Variants in ATP8A2 observed in about 807,000 individuals in gnomAD.
The protein encoded by ATP8A2 is phospholipid-transporting ATPase IB.
In ATP8A2, 100 loss-of-function variants were observed where a neutral mutation model predicts 165.6. That is an observed-to-expected ratio of 0.60 (90% CI 0.51 to 0.71). The LOEUF is 0.71. Ranked by LOEUF, ATP8A2 falls within the 30% of genes least tolerant of loss-of-function variation. ATP8A2 has a pLI of 0.00. For missense variants in ATP8A2, 1,227 were observed against 1,479.5 expected (o/e 0.83, Z 2.80); for synonymous variants, 543 against 548.8 (o/e 0.99, Z 0.15).
At chr13:25,394,544 A>G (rs1452304771) in intron 1 of ATP8A2, among the ~76,000 whole-genome samples, 3 of 152,208 alleles carry the variant, frequency 2.0e-5, no homozygotes, top group Non-Finnish European at 1.5e-5. Flanking sequence ...ATAAAGACAA[A>G]GCAGGAGGCG....
chr13:25,540,497 C>T (rs933229263), intron 8 of ATP8A2, 109 bp downstream of exon 8: 1 of 796,622 alleles, frequency 1.3e-6, no homozygotes, highest in Non-Finnish European at 2.1e-6. Context: ...AAGGGTTATG[C>T]CTTAGCCCTA....
chr13:25,446,815 A>G (rs142446956), intron 1 of ATP8A2, among the ~76,000 whole-genome samples: 1,699 of 152,162 alleles, frequency 0.011, 32 homozygotes, highest in African/African-American at 0.039. Flanking sequence ...AGAGGTTTAT[A>G]TAAGAGAACT....
At chr13:25,853,148 G>T (rs183491458) in intron 30 of ATP8A2, among the ~76,000 whole-genome samples, 4 of 151,710 alleles carry the variant, frequency 2.6e-5, no homozygotes, top group Non-Finnish European at 5.9e-5. Flanking sequence ...CAGCACTTTG[G>T]GGGGCTGAGA....
chr13:25,685,341 C>A (rs901341784), intron 24 of ATP8A2, among the ~76,000 whole-genome samples: 2 of 152,142 alleles, frequency 1.3e-5, no homozygotes, highest in African/African-American at 4.8e-5. Context: ...TTCTTCCATT[C>A]GGTAAAGATT....
intron 29 of ATP8A2, among the ~76,000 whole-genome samples, chr13:25,838,708 A>G (rs555284473): frequency 6.6e-6 from 1 of 152,300 alleles, no homozygotes; most frequent in South Asian, 2.1e-4. Context: ...GATAATTTCC[A>G]GGGACAACTT....
At chr13:25,918,415 G>A (rs1166410245) in intron 33 of ATP8A2, among the ~76,000 whole-genome samples, 2 of 152,088 alleles carry the variant, frequency 1.3e-5, no homozygotes, top group African/African-American at 4.8e-5. Flanking sequence ...TGTTGATGGT[G>A]GCTCCGTTGT....
intron 1 of ATP8A2, among the ~76,000 whole-genome samples, chr13:25,396,781 G>A (rs755796280): frequency 6.6e-6 from 1 of 152,100 alleles, no homozygotes; most frequent in South Asian, 2.1e-4. Flanking sequence ...CTACTTTCAG[G>A]CTTTTCAGAC....
chr13:25,961,130 C>T (rs1157233019), intron 33 of ATP8A2, among the ~76,000 whole-genome samples: 1 of 152,172 alleles, frequency 6.6e-6, no homozygotes, highest in Non-Finnish European at 1.5e-5. Context: ...GGAGAACCAC[C>T]ATGCCTTGTA....
At chr13:25,888,343 A>G (rs1284837728) in intron 33 of ATP8A2, among the ~76,000 whole-genome samples, 1 of 152,218 alleles carries the variant, frequency 6.6e-6, no homozygotes, top group Non-Finnish European at 1.5e-5. Context: ...AAACAACTTT[A>G]TCTAAAAGAT....
Position 25,770,393 on chromosome 13 carries a change from C to T in ATP8A2, c.2568+1164C>T, listed in dbSNP as rs116779871. On this transcript the variant is annotated intron_variant, in intron 26 of 36. Transcript: ENST00000381655. ...ATCTAATCTTGTGGCTCCCCACCAC[C>T]CAGGAACTGACTGAGCTCAAGAAGA... is the stretch of plus-strand genomic sequence containing the variant. 5.6e-3 allele frequency among the ~76,000 whole-genome samples: 849 copies of T among 152,248 alleles called. 9 individuals carry two copies. The highest frequency in any genetic ancestry group is 0.019 in the African/African-American group (800 of 41,556).
intron 24 of ATP8A2, among the ~76,000 whole-genome samples, chr13:25,605,172 A>C (rs1363310954): frequency 6.6e-6 from 1 of 152,202 alleles, no homozygotes; most frequent in African/African-American, 2.4e-5. Context: ...TTCCTTCGTC[A>C]GTGAACTTTA....
intron 2 of ATP8A2, among the ~76,000 whole-genome samples, chr13:25,528,099 A>T (rs145214941): frequency 9.7e-4 from 147 of 152,224 alleles, no homozygotes; most frequent in African/African-American, 3.4e-3. Context: ...CACATACATG[A>T]GTTTTGTGTA....
intron 33 of ATP8A2, among the ~76,000 whole-genome samples, chr13:25,877,946 A>T (rs1332265509): frequency 6.6e-6 from 1 of 152,192 alleles, no homozygotes; most frequent in Admixed American, 6.5e-5. Context: ...ACCCTCAAAG[A>T]CCTGATATGT....
At chr13:25,532,482 C>G (rs1485392602) in intron 5 of ATP8A2, among the ~76,000 whole-genome samples, 165 bp downstream of exon 5, 1 of 152,006 alleles carries the variant, frequency 6.6e-6, no homozygotes, top group African/African-American at 2.4e-5. Context: ...TAATTTTAGT[C>G]CTGATAATTA....
intron 2 of ATP8A2, among the ~76,000 whole-genome samples, chr13:25,476,518 G>A (rs530583650): frequency 6.6e-6 from 1 of 152,272 alleles, no homozygotes; most frequent in East Asian, 1.9e-4. Flanking sequence ...TTGAACTCCT[G>A]ACCTCAAGTG....
intron 27 of ATP8A2, among the ~76,000 whole-genome samples, chr13:25,826,788 C>T (rs937688607): frequency 3.3e-5 from 5 of 151,778 alleles, no homozygotes; most frequent in Non-Finnish European, 5.9e-5. Context: ...TTTTTGAATT[C>T]CATATTTTCA....
At chr13:25,724,040 G>T (rs9511892) in intron 25 of ATP8A2, among the ~76,000 whole-genome samples, 37,455 of 152,032 alleles carry the variant, frequency 0.25, 5,218 homozygotes, top group East Asian at 0.47. Context: ...TGAAAATGGG[G>T]CCCTCAGTCC....
intron 33 of ATP8A2, among the ~76,000 whole-genome samples, chr13:25,897,383 A>G (rs1953589853): frequency 6.6e-6 from 1 of 152,124 alleles, no homozygotes; most frequent in African/African-American, 2.4e-5. Context: ...TGGCTTGTAG[A>G]GTTTCTGCCG....
intron 27 of ATP8A2, among the ~76,000 whole-genome samples, chr13:25,817,359 G>C (rs548128337): frequency 2.4e-5 from 3 of 126,422 alleles, no homozygotes; most frequent in Admixed American, 7.9e-5. Context: ...ATGGGGGGGG[G>C]GGGAAACACG....
Sources: gnomAD v4.1 joint callset for allele counts (sites outside exome capture counted in the v4.1 genomes callset) on GRCh38, gnomAD v4.1.1 for gene constraint, MANE v1.5 for transcripts, NCBI Gene and HGNC (gene_info 2026-07-23, HGNC 2026-07-21) for gene names.